TMEM132D: variants seen among roughly 807,000 people sequenced by gnomAD.
The protein encoded by TMEM132D is transmembrane protein 132D.
A neutral mutation model predicts 62.3 loss-of-function variants in TMEM132D; 21 were observed. The observed-to-expected ratio is 0.34, with a 90% CI of 0.24 to 0.49. The LOEUF is 0.49. Ranked by LOEUF, TMEM132D falls within the 20% of genes least tolerant of loss-of-function variation. The pLI is 0.99. For missense variants in TMEM132D, 1,346 were observed against 1,402.8 expected, an observed-to-expected ratio of 0.96 and a Z score of 0.65; for synonymous variants, 621 against 575.6, an observed-to-expected ratio of 1.08 and a Z score of -1.13.
At chr12:129,346,364 T>C (rs1869688050) in intron 3 of TMEM132D, among the ~76,000 whole-genome samples, 1 of 91,310 alleles carries the variant, frequency 1.1e-5, no homozygotes. Context: ...AGTCTCTATT[T>C]GTTAATCTTT....
chr12:129,173,482 C>A (rs1051568477), intron 5 of TMEM132D, among the ~76,000 whole-genome samples: 1 of 152,148 alleles, frequency 6.6e-6, no homozygotes, highest in Non-Finnish European at 1.5e-5. Context: ...CAAAGTCATG[C>A]TTTTTCTCAC....
chr12:129,823,329 T>C (rs7302022), intron 1 of TMEM132D, among the ~76,000 whole-genome samples: 7,246 of 152,326 alleles, frequency 0.048, 543 homozygotes, highest in African/African-American at 0.16. Flanking sequence ...GGGCTGGTCA[T>C]GTGGACATTT....
At chr12:129,883,094 C>T (rs1874650265) in intron 1 of TMEM132D, among the ~76,000 whole-genome samples, 1 of 152,062 alleles carries the variant, frequency 6.6e-6, no homozygotes, top group Non-Finnish European at 1.5e-5. Context: ...GACTGAAAAG[C>T]AAGAAACACA....
chr12:129,126,500 G>C (rs547385247), intron 5 of TMEM132D, among the ~76,000 whole-genome samples: 37 of 152,090 alleles, frequency 2.4e-4, no homozygotes, highest in African/African-American at 8.9e-4. Context: ...AATTAGCTCA[G>C]ATAACATCTC....
intron 1 of TMEM132D, among the ~76,000 whole-genome samples, chr12:129,729,516 G>C (rs537505263): frequency 1.3e-5 from 2 of 151,034 alleles, no homozygotes; most frequent in African/African-American, 4.9e-5. Context: ...CCCTGGTCTA[G>C]TCATACTGGA....
At chr12:129,430,502 C>T (rs150493817) in intron 3 of TMEM132D, among the ~76,000 whole-genome samples, 26 of 152,108 alleles carry the variant, frequency 1.7e-4, no homozygotes, top group Admixed American at 3.3e-4. Flanking sequence ...TTTTTTGTAG[C>T]GATGGGGTCC....
At chr12:129,215,298 G>A (rs963020802) in intron 4 of TMEM132D, among the ~76,000 whole-genome samples, 1 of 152,154 alleles carries the variant, frequency 6.6e-6, no homozygotes, top group African/African-American at 2.4e-5. Flanking sequence ...TGAACACATA[G>A]AGGGTAACAA....
chr12:129,096,211 T>G (rs1379239753), intron 5 of TMEM132D, among the ~76,000 whole-genome samples: 2 of 152,166 alleles, frequency 1.3e-5, no homozygotes, highest in Non-Finnish European at 2.9e-5. Flanking sequence ...GGTGACTTAT[T>G]AAAGTTCACA....
chr12:129,555,726 A>T (rs1877036576), intron 2 of TMEM132D, among the ~76,000 whole-genome samples: 1 of 152,186 alleles, frequency 6.6e-6, no homozygotes, highest in Non-Finnish European at 1.5e-5. Context: ...ACCCAAATAC[A>T]ATAAAAAACA....
chr12:129,524,994 T>C (rs1247182409), intron 3 of TMEM132D, among the ~76,000 whole-genome samples: 15 of 136,834 alleles, frequency 1.1e-4, no homozygotes, highest in African/African-American at 3.5e-4. Context: ...GGCGCGATCT[T>C]GGCTCACTGC....
intron 1 of TMEM132D, among the ~76,000 whole-genome samples, chr12:129,808,217 C>G (rs1397536588): frequency 6.6e-6 from 1 of 152,176 alleles, no homozygotes; most frequent in East Asian, 1.9e-4. Flanking sequence ...CTCTCATCGT[C>G]TCTAACGAAT....
At chr12:129,901,917 T>C (rs1315930757) in intron 1 of TMEM132D, among the ~76,000 whole-genome samples, 1 of 152,036 alleles carries the variant, frequency 6.6e-6, no homozygotes, top group African/African-American at 2.4e-5. Flanking sequence ...ATTTTGGTTT[T>C]TTTAACCTCA....
chr12:129,454,777 A>G (rs898117530), intron 3 of TMEM132D, among the ~76,000 whole-genome samples: 5 of 152,262 alleles, frequency 3.3e-5, no homozygotes, highest in African/African-American at 9.6e-5. Flanking sequence ...TCTGCCTCTC[A>G]TCTCCAGTTT....
chr12:129,281,366 A>AGGTTTTTTTGTTTGTTTGTT (rs1566020858), intron 4 of TMEM132D, among the ~76,000 whole-genome samples: 6 of 151,736 alleles, frequency 4.0e-5, no homozygotes, highest in African/African-American at 1.2e-4. Context: ...TCTATGTTTC[A>AGGTTTTTTTGTTTGTTTGTT]GGTTTTTTTG....
At chr12:129,471,435 A>C (rs534860095) in intron 3 of TMEM132D, among the ~76,000 whole-genome samples, 1 of 152,290 alleles carries the variant, frequency 6.6e-6, no homozygotes, top group Admixed American at 6.5e-5. Flanking sequence ...CATAAGATGA[A>C]GAACTTAATC....
At chr12:129,246,067 C>T (rs1207548280) in intron 4 of TMEM132D, among the ~76,000 whole-genome samples, 1 of 151,972 alleles carries the variant, frequency 6.6e-6, no homozygotes, top group Non-Finnish European at 1.5e-5. Context: ...CACTTCACAG[C>T]ATCCACTGGC....
At chr12:129,433,184 G>C (rs145121171) in intron 3 of TMEM132D, among the ~76,000 whole-genome samples, 210 of 152,152 alleles carry the variant, frequency 1.4e-3, no homozygotes, top group African/African-American at 4.9e-3. Context: ...TTGTTTCCAG[G>C]TTTTAGCTAT....
intron 2 of TMEM132D, among the ~76,000 whole-genome samples, chr12:129,615,795 C>CAAAACAAAACAAAAT (rs398044871): frequency 5.8e-5 from 8 of 139,028 alleles, no homozygotes; most frequent in Non-Finnish European, 1.1e-4. Flanking sequence ...CAAAACAAAA[C>CAAAACAAAACAAAAT]AAAATAAAAT....
At chr12:129,565,872 C>G (rs995727793) in intron 2 of TMEM132D, among the ~76,000 whole-genome samples, 1 of 152,204 alleles carries the variant, frequency 6.6e-6, no homozygotes, top group African/African-American at 2.4e-5. Flanking sequence ...GTGTTAGTCA[C>G]GGAAGCACAC....
Sources: gnomAD v4.1 joint callset for allele counts (sites outside exome capture counted in the v4.1 genomes callset) on GRCh38, gnomAD v4.1.1 for gene constraint, MANE v1.5 for transcripts, NCBI Gene and HGNC (gene_info 2026-07-23, HGNC 2026-07-21) for gene names.